MBOAT2: variants seen among roughly 807,000 people sequenced by gnomAD.
The protein encoded by MBOAT2 is membrane bound glycerophospholipid O-acyltransferase 2.
A neutral mutation model predicts 63.4 loss-of-function variants in MBOAT2; 28 were observed. The observed-to-expected ratio is 0.44, with a 90% CI of 0.33 to 0.61. The LOEUF (loss-of-function observed/expected upper bound fraction) is 0.61. MBOAT2 is among the 20% of genes least tolerant of loss of function. The pLI is 0.03. For missense variants in MBOAT2, 470 were observed against 605.8 expected, an observed-to-expected ratio of 0.78 and a Z score of 2.35; for synonymous variants, 211 against 215.6, an observed-to-expected ratio of 0.98 and a Z score of 0.19.
In MBOAT2 at chr2:8,854,357, C is replaced by T. The variant is rs1012238083; in HGVS notation, c.*4322G>A. ...CGACCAGCCACTCATTAAATGCACA[C>T]TGGGTTAAATGCAGCAGTTTTATAA... On this transcript the variant is annotated 3_prime_UTR_variant, in exon 13 of 13. Coordinates refer to ENST00000305997, the MANE Select transcript of MBOAT2 (RefSeq NM_138799.4). 1 of 152,202 alleles carries T rather than the reference C, an allele frequency of 6.6e-6. No individual in the cohort carries two copies. The highest frequency in any genetic ancestry group is 1.5e-5 in the Non-Finnish European group (1 of 68,046). The allele number at this position is 152,202 out of a possible 1,614,324, so 9.4% of individuals were successfully genotyped here. A position where few individuals can be genotyped will look rare whatever the true frequency, so the allele number is the denominator to read the frequency against.
chr2:8,941,509 T>C (rs901273363), intron 3 of MBOAT2, among the ~76,000 whole-genome samples: 1 of 152,074 alleles, frequency 6.6e-6, no homozygotes, highest in African/African-American at 2.4e-5. Flanking sequence ...ACTTGAAATG[T>C]GGCTAGTGTA....
chr2:9,003,652 C>T lies in MBOAT2; in HGVS notation c.-38G>A. The T allele has an allele frequency of 8.9e-7, 1 of 1,129,314 alleles. No homozygotes were observed. Among genetic ancestry groups the T allele is most frequent in the Non-Finnish European group, 1.1e-6 (1 of 922,900 alleles). The allele number at this position is 1,129,314 out of a possible 1,614,324, so 70.0% of individuals were successfully genotyped here. ...GCGCTCCGGCCGCCCGCGCCGCTCGCCCGCTCGCGCTGTGCCGGGCGACGA... is the reference window on the plus strand; with the variant it reads ...GCGCTCCGGCCGCCCGCGCCGCTCGTCCGCTCGCGCTGTGCCGGGCGACGA... On this transcript the variant is annotated 5_prime_UTR_variant, in exon 1 of 13. Transcript: ENST00000305997. This position sits in a 1 kb window ranked among gnomAD's most constrained non-coding sequence, Gnocchi z 5.4.
rs968414635 is a variant in MBOAT2 at position 8,853,383 on chromosome 2, A to C, written c.*5296T>G. 1 of 152,232 alleles carries C rather than the reference A, an allele frequency of 6.6e-6. No homozygotes were observed. The highest frequency in any genetic ancestry group is 1.5e-5 in the Non-Finnish European group (1 of 68,028). The allele number at this position is 152,232 out of a possible 1,614,324, so 9.4% of individuals were successfully genotyped here. A position where few individuals can be genotyped will look rare whatever the true frequency, so the allele number is the denominator to read the frequency against. On this transcript the variant is annotated 3_prime_UTR_variant, in exon 13 of 13. Coordinates refer to ENST00000305997, the MANE Select transcript of MBOAT2 (RefSeq NM_138799.4). ...GAACCAAAAATACATAAAATTGGGA[A>C]AGAGGCATATTTAAAAAGTCTGTCA...
chr2:8,987,213 C>T (rs78404569), intron 1 of MBOAT2, among the ~76,000 whole-genome samples: 7,590 of 152,224 alleles, frequency 0.05, 358 homozygotes, highest in African/African-American at 0.12. Flanking sequence ...TAAAACTATT[C>T]TAAAATTAAA....
At chr2:8,982,323 C>A in intron 1 of MBOAT2, among the ~76,000 whole-genome samples, 1 of 152,142 alleles carries the variant, frequency 6.6e-6, no homozygotes, top group East Asian at 1.9e-4. Flanking sequence ...ATTTCTCATT[C>A]ACTTGGAAAG....
At chr2:8,939,460 G>A (rs1374964765) in intron 3 of MBOAT2, among the ~76,000 whole-genome samples, 1 of 152,222 alleles carries the variant, frequency 6.6e-6, no homozygotes, top group African/African-American at 2.4e-5. Flanking sequence ...GGAGCACGGG[G>A]GAAAGATGTC....
rs754645325 is a variant in MBOAT2 at position 8,868,506 on chromosome 2, A to G, written c.927T>C (p.Tyr309=). The G allele has an allele frequency of 2.5e-6, 4 of 1,614,122 alleles. No individual in the cohort carries two copies. Among genetic ancestry groups the G allele is most frequent in the South Asian group, 2.2e-5 (2 of 91,072 alleles). ...NNAAGFGFRG[Y]DENGAARWDL... ...CCCAGCGAGCTGCTCCATTTTCGTC[A>G]TACCCTCTGAAACCAAAGCCTGCAG... The change falls in exon 9 of 13, where the codon TAT becomes TAC. Residue 309 remains tyrosine, a synonymous_variant. Coordinates refer to ENST00000305997, the MANE Select transcript of MBOAT2 (RefSeq NM_138799.4).
Position 8,912,373 on chromosome 2 carries a change from GAGAAAGAAAGAAAGAA to G in MBOAT2, c.300-3673_300-3658del, listed in dbSNP as rs139345161. ...AAAGAGAAAGAAAGAAAGAAAGAAA[GAGAAAGAAAGAAAGAA>G]AGAAAGAAAGAAAGAAAGAAAGAAA... On this transcript the variant is annotated intron_variant, in intron 3 of 12. Coordinates refer to ENST00000305997, the MANE Select transcript of MBOAT2 (RefSeq NM_138799.4). Among the ~76,000 whole-genome samples, 31 of 84,352 alleles carry G rather than the reference GAGAAAGAAAGAAAGAA, an allele frequency of 3.7e-4. No homozygotes were observed. The East Asian group carries it at 4.1e-3, about 11-fold the overall frequency. The allele number at this position is 84,352 out of a possible 152,430, so 55.3% of individuals were successfully genotyped here. A position where few individuals can be genotyped will look rare whatever the true frequency, so the allele number is the denominator to read the frequency against.
chr2:8,973,380 GA>G (rs1670587593), intron 1 of MBOAT2, among the ~76,000 whole-genome samples: 1 of 112,908 alleles, frequency 8.9e-6, no homozygotes, highest in African/African-American at 3.3e-5. Context: ...GGGGTGGGGG[GA>G]GGGGGGAGGG....
At chr2:8,967,009 C>T (rs1447698837) in intron 1 of MBOAT2, among the ~76,000 whole-genome samples, 3 of 152,092 alleles carry the variant, frequency 2.0e-5, no homozygotes, top group South Asian at 2.1e-4. Context: ...CACAGAACAA[C>T]GAAGATGAAG....
chr2:8,983,677 G>A (rs1438265591), intron 1 of MBOAT2, among the ~76,000 whole-genome samples: 1 of 152,136 alleles, frequency 6.6e-6, no homozygotes, highest in Non-Finnish European at 1.5e-5. Context: ...CTGAAGATTG[G>A]ATGATAGAAA....
At chr2:8,866,715 G>C (rs2148514551) in intron 9 of MBOAT2, among the ~76,000 whole-genome samples, 1 of 152,310 alleles carries the variant, frequency 6.6e-6, no homozygotes, top group African/African-American at 2.4e-5. Flanking sequence ...CAGTGCATTT[G>C]GCCAAAGCCT....
chr2:8,991,004 A>G lies in MBOAT2; in HGVS notation c.75+12536T>C, dbSNP rs906476616. ...CCTCTACCTTCATCTTCTTGGCTCT[A>G]CTTGCAAACCAAAAATCTCTGTCAC... On this transcript the variant is annotated intron_variant, in intron 1 of 12. Coordinates refer to ENST00000305997, the MANE Select transcript of MBOAT2 (RefSeq NM_138799.4). 5.3e-5 allele frequency among the ~76,000 whole-genome samples: 8 copies of G among 152,148 alleles called. 1 individual carries two copies. Among genetic ancestry groups the G allele is most frequent in the Non-Finnish European group, 8.8e-5 (6 of 68,016 alleles).
chr2:8,940,746 A>G (rs950942393), intron 3 of MBOAT2, among the ~76,000 whole-genome samples: 35 of 152,226 alleles, frequency 2.3e-4, no homozygotes, highest in Non-Finnish European at 1.5e-5. Flanking sequence ...AAGTACAATA[A>G]CTACATTATG....
chr2:8,992,945 C>G (rs1320065416), intron 1 of MBOAT2, among the ~76,000 whole-genome samples: 1 of 152,180 alleles, frequency 6.6e-6, no homozygotes, highest in East Asian at 1.9e-4. Context: ...AAAAGCCAGG[C>G]TTCCCTGGAC....
In MBOAT2 at chr2:8,853,175, G is replaced by T. The variant is rs1660874921; in HGVS notation, c.*5504C>A. The T allele has an allele frequency of 6.6e-6, 1 of 152,336 alleles. No individual in the cohort carries two copies. Among genetic ancestry groups the T allele is most frequent in the South Asian group, 2.1e-4 (1 of 4,828 alleles). 9.4% of individuals were successfully genotyped at this position (152,336 alleles called of 1,614,324 possible). On this transcript the variant is annotated 3_prime_UTR_variant, in exon 13 of 13. Coordinates refer to ENST00000305997, the MANE Select transcript of MBOAT2 (RefSeq NM_138799.4). ...TATGGAAGAATTTCTCACTTCACCT[G>T]AATGATTTACTTTCATTCCTATGGC...
chr2:8,859,618 T>C (rs1661348729), intron 12 of MBOAT2, among the ~76,000 whole-genome samples: 1 of 152,244 alleles, frequency 6.6e-6, no homozygotes, highest in South Asian at 2.1e-4. Context: ...TCCTGTATAA[T>C]TATTGTCATA....
rs1355316549 is a variant in MBOAT2 at position 8,854,839 on chromosome 2, G to A, written c.*3840C>T. On this transcript the variant is annotated 3_prime_UTR_variant, in exon 13 of 13. Transcript: ENST00000305997. ...TGTTTTCTGCGGTTTAAAATAAGGT[G>A]TAACTAAACTAAATATGCTTTAAAT... 2 of 152,152 alleles carry A rather than the reference G, an allele frequency of 1.3e-5. No individual in the cohort carries two copies. Among genetic ancestry groups the A allele is most frequent in the African/African-American group, 2.4e-5 (1 of 41,448 alleles). 9.4% of individuals were successfully genotyped at this position (152,152 alleles called of 1,614,324 possible).
chr2:8,876,703 G>C (rs1352476071), intron 7 of MBOAT2, among the ~76,000 whole-genome samples: 1 of 151,462 alleles, frequency 6.6e-6, no homozygotes, highest in Non-Finnish European at 1.5e-5. Flanking sequence ...GAAAAGGAAG[G>C]GAAGGAAAGG....
Sources: gnomAD v4.1 joint callset for allele counts (sites outside exome capture counted in the v4.1 genomes callset) on GRCh38, gnomAD v4.1.1 for gene constraint, Gnocchi (gnomAD v3.1) non-coding constraint, MANE v1.5 for transcripts, NCBI Gene and HGNC (gene_info 2026-07-23, HGNC 2026-07-21) for gene names.